TENM1: variants seen among roughly 807,000 people sequenced by gnomAD.
TENM1 encodes teneurin transmembrane protein 1.
TENM1 carries 35 observed loss-of-function variants against 174.8 expected under a neutral mutation model. The observed-to-expected ratio is 0.20, with a 90% CI of 0.15 to 0.27. The LOEUF is 0.27. Ranked by LOEUF, TENM1 falls within the 10% of genes least tolerant of loss-of-function variation. TENM1 has a pLI of 1.00. For synonymous variants in TENM1, 781 were observed against 798.7 expected (o/e 0.98, Z 0.37); for missense variants, 1,633 against 2,130.1 (o/e 0.77, Z 4.59).
the TENM1 span, among the ~76,000 whole-genome samples, chrX:125,145,781 G>A: frequency 8.9e-6 from 1 of 112,057 alleles, no homozygotes; most frequent in East Asian, 2.8e-4. Flanking sequence ...GTTTGATCAA[G>A]GTTGGATTTA....
chrX:124,459,003 G>A (rs770764388), intron 22 of TENM1, among the ~76,000 whole-genome samples: 4 of 112,163 alleles, frequency 3.6e-5, no homozygotes, highest in African/African-American at 6.5e-5. Flanking sequence ...CAGACATGGC[G>A]TTGCTCTTAG....
chrX:125,144,722 C>T, the TENM1 span, among the ~76,000 whole-genome samples: 2 of 105,383 alleles, frequency 1.9e-5, no homozygotes, highest in Non-Finnish European at 3.9e-5. Flanking sequence ...CAGGATGTGG[C>T]ACCTGGCAGG....
intron 11 of TENM1, among the ~76,000 whole-genome samples, chrX:124,640,559 T>C (rs1344018410): frequency 8.9e-6 from 1 of 112,300 alleles, no homozygotes; most frequent in Non-Finnish European, 1.9e-5. Flanking sequence ...GTATAAAGAA[T>C]GACTTGTTAT....
At chrX:124,731,530 T>C (rs190478652) in intron 4 of TENM1, among the ~76,000 whole-genome samples, 1 of 111,578 alleles carries the variant, frequency 9.0e-6, no homozygotes, top group Non-Finnish European at 1.9e-5. Context: ...GACAGGAGAC[T>C]AGAAACAGAA....
At chrX:124,609,958 A>G (rs2050245697) in intron 11 of TENM1, among the ~76,000 whole-genome samples, 1 of 111,703 alleles carries the variant, frequency 9.0e-6, no homozygotes, top group Admixed American at 9.5e-5. Context: ...CAATAACGAT[A>G]ATGCCTGTGA....
chrX:124,738,814 G>A (rs1388377661), intron 3 of TENM1, among the ~76,000 whole-genome samples: 2 of 111,817 alleles, frequency 1.8e-5, no homozygotes, highest in Non-Finnish European at 3.8e-5. Flanking sequence ...AAGGACTTTG[G>A]AGATGCTCTC....
At chrX:124,473,534 GT>G in intron 22 of TENM1, among the ~76,000 whole-genome samples, 1 of 111,544 alleles carries the variant, frequency 9.0e-6, no homozygotes, top group South Asian at 3.8e-4. Context: ...AGGCGTCCAA[GT>G]TTCATTCTAG....
chrX:125,089,526 T>C, the TENM1 span, among the ~76,000 whole-genome samples: 2 of 112,113 alleles, frequency 1.8e-5, no homozygotes, highest in African/African-American at 6.5e-5. Context: ...ATCTAATTGT[T>C]GAATGTGTGG....
At chrX:124,549,775 T>C (rs1435572035) in intron 14 of TENM1, among the ~76,000 whole-genome samples, 1 of 111,206 alleles carries the variant, frequency 9.0e-6, no homozygotes, top group Non-Finnish European at 1.9e-5. Context: ...TGTAGGTAAG[T>C]CCAGCACACG....
chrX:125,127,789 T>A, the TENM1 span, among the ~76,000 whole-genome samples: 1 of 111,026 alleles, frequency 9.0e-6, no homozygotes, highest in Non-Finnish European at 1.9e-5. Context: ...TGGGAAGCAG[T>A]ATCCTAGTCC....
chrX:124,947,323 C>T (rs949317655), intron 1 of TENM1, among the ~76,000 whole-genome samples: 1 of 111,360 alleles, frequency 9.0e-6, no homozygotes, highest in Non-Finnish European at 1.9e-5. Flanking sequence ...CATTATAGAC[C>T]CATTTGAACA....
chrX:124,697,222 G>C (rs2052672119), intron 5 of TENM1, among the ~76,000 whole-genome samples: 2 of 111,102 alleles, frequency 1.8e-5, no homozygotes, highest in Non-Finnish European at 3.8e-5. Flanking sequence ...CAGTACACAA[G>C]GTCTATGTTA....
chrX:124,390,441 C>T (rs991740595), intron 28 of TENM1, among the ~76,000 whole-genome samples: 1 of 112,272 alleles, frequency 8.9e-6, no homozygotes. Context: ...GCGCTGCACC[C>T]ACTAACTCGT....
At chrX:124,730,936 G>A (rs1053710973) in intron 4 of TENM1, among the ~76,000 whole-genome samples, 6 of 111,462 alleles carry the variant, frequency 5.4e-5, no homozygotes, top group African/African-American at 2.0e-4. Context: ...ACTCTAATAT[G>A]GAGATGAATT....
chrX:124,729,173 C>T (rs887077323), intron 4 of TENM1, among the ~76,000 whole-genome samples: 1 of 112,118 alleles, frequency 8.9e-6, no homozygotes, highest in African/African-American at 3.2e-5. Flanking sequence ...TATGTGAATA[C>T]TGGATGTTTT....
chrX:124,887,592 G>A (rs1003107994), intron 3 of TENM1, among the ~76,000 whole-genome samples: 1 of 111,629 alleles, frequency 9.0e-6, no homozygotes, highest in African/African-American at 3.3e-5. Context: ...ATATGAGCTT[G>A]TTATATCTAC....
intron 3 of TENM1, among the ~76,000 whole-genome samples, chrX:124,789,856 T>C (rs2055137689): frequency 1.8e-5 from 2 of 112,062 alleles, no homozygotes. Flanking sequence ...CCAAAGTCGC[T>C]TCCACATTTT....
At chrX:124,876,988 A>C (rs1322763637) in intron 3 of TENM1, among the ~76,000 whole-genome samples, 4 of 112,087 alleles carry the variant, frequency 3.6e-5, no homozygotes, top group Non-Finnish European at 7.5e-5. Context: ...TGAATTTATT[A>C]GTTAGTTCTC....
At chrX:124,494,878 T>A (rs1231069737) in intron 20 of TENM1, among the ~76,000 whole-genome samples, 3 of 101,010 alleles carry the variant, frequency 3.0e-5, no homozygotes, top group Non-Finnish European at 6.1e-5. Context: ...TTCCATGGTG[T>A]ATATGTGCCA....
Sources: gnomAD v4.1 joint callset for allele counts (sites outside exome capture counted in the v4.1 genomes callset) on GRCh38, gnomAD v4.1.1 for gene constraint, MANE v1.5 for transcripts, NCBI Gene and HGNC (gene_info 2026-07-23, HGNC 2026-07-21) for gene names.